Variants in ABHD6 observed in about 807,000 individuals in gnomAD.
ABHD6 encodes abhydrolase domain containing 6, acylglycerol lipase.
ABHD6 carries 33 observed loss-of-function variants against 38.8 expected under a neutral mutation model. The observed-to-expected ratio is 0.85, with a 90% CI of 0.64 to 1.14. The LOEUF is 1.14. Among genes scored for constraint, ABHD6 ranks in the 50% most tolerant of loss-of-function variants. The probability of loss-of-function intolerance (pLI) is 0.00; values close to 1 mark genes in which losing one functional copy is unlikely to be tolerated. For synonymous variants in ABHD6, 147 were observed against 161.6 expected (o/e 0.91, Z 0.69); for missense variants, 380 against 422.6 (o/e 0.90, Z 0.88).
Position 58,291,353 on chromosome 3 carries a change from CAGAGGGAGACCCTGGAAAGAGAGGG to C in ABHD6, c.838-2224_838-2200del, listed in dbSNP as rs780997111. ...GTACAGTCCAGCTTCGGCTCGGCATCAGAGGGAGACCCTGGAAAGAGAGGGAGAGGGAGACCGTGGGGAGAGGGAG... is the reference window on the plus strand; with the variant it reads ...GTACAGTCCAGCTTCGGCTCGGCATCAGAGGGAGACCGTGGGGAGAGGGAG... On this transcript the variant is annotated intron_variant, in intron 9 of 9. Transcript: ENST00000478253. Among the ~76,000 whole-genome samples, 7 of 151,940 alleles carry C rather than the reference CAGAGGGAGACCCTGGAAAGAGAGGG, an allele frequency of 4.6e-5. No homozygotes were observed. The East Asian group carries it at 1.2e-3, about 25-fold the overall frequency.
rs1409372758 is a variant in ABHD6 at position 58,259,225 on chromosome 3, C to T, written c.119+2520C>T. On this transcript the variant is annotated intron_variant, in intron 3 of 9. Transcript: ENST00000478253. The surrounding 1 kb of genome is among the most constrained non-coding windows in gnomAD (Gnocchi z 4.7). ...AAACTAGCCTCAATGCTGCATAGTC[C>T]CCCAACAGTTCCCTGGGCTGTCGAG... Among the ~76,000 whole-genome samples, 2 of 152,148 alleles carry T rather than the reference C, an allele frequency of 1.3e-5. No homozygotes were observed. The highest frequency in any genetic ancestry group is 3.8e-4 in the East Asian group (2 of 5,200).
In ABHD6 at chr3:58,246,157, T is replaced by G. The variant is rs375148923; in HGVS notation, c.-90-3721T>G. ...CCACTAGAGCCTGAAGACTTTGGGC[T>G]CCTTAAACGTAAAGGGTCAAGTGGC... On this transcript the variant is annotated intron_variant, in intron 1 of 9. Coordinates refer to ENST00000478253, the MANE Select transcript of ABHD6 (RefSeq NM_001320126.2). 1.7e-3 allele frequency among the ~76,000 whole-genome samples: 265 copies of G among 152,318 alleles called. No homozygotes were observed. The Middle Eastern group carries it at 0.031, about 18-fold the overall frequency.
chr3:58,240,267 G>A (rs1027180696), intron 1 of ABHD6, among the ~76,000 whole-genome samples: 1 of 151,856 alleles, frequency 6.6e-6, no homozygotes, highest in Non-Finnish European at 1.5e-5. Flanking sequence ...TAGAGATGAA[G>A]TCTCACTGTG....
In ABHD6 at chr3:58,266,767, T is replaced by A. The variant is rs74929952; in HGVS notation, c.120-422T>A. 6.6e-6 allele frequency among the ~76,000 whole-genome samples: 1 copy of A among 152,178 alleles called. No homozygotes were observed. Among genetic ancestry groups the A allele is most frequent in the Non-Finnish European group, 1.5e-5 (1 of 68,032 alleles). On this transcript the variant is annotated intron_variant, in intron 3 of 9. Coordinates refer to ENST00000478253, the MANE Select transcript of ABHD6 (RefSeq NM_001320126.2). This position sits in a 1 kb window ranked among gnomAD's most constrained non-coding sequence, Gnocchi z 4.0. ...CAAAGTCCAGCACTGCCAAGTCTTATGTAACCAGCAGAAGCTGAGCTTTCA... is the reference window on the plus strand; with the variant it reads ...CAAAGTCCAGCACTGCCAAGTCTTAAGTAACCAGCAGAAGCTGAGCTTTCA...
chr3:58,288,324 A>G (rs2097458968), intron 9 of ABHD6, among the ~76,000 whole-genome samples: 1 of 152,174 alleles, frequency 6.6e-6, no homozygotes, highest in Non-Finnish European at 1.5e-5. Flanking sequence ...AGGGGGAGCC[A>G]TGTGCATTGT....
intron 1 of ABHD6, among the ~76,000 whole-genome samples, chr3:58,241,919 A>G (rs772506768): frequency 3.4e-4 from 52 of 152,360 alleles, no homozygotes; most frequent in Non-Finnish European, 2.1e-4. Context: ...CACTTGCTAC[A>G]GTCACATGGC....
In ABHD6 at chr3:58,263,358, C is replaced by A. The variant is rs1216665270; in HGVS notation, c.120-3831C>A. ...TGAACTGAGATTGCGCCACTGCACT[C>A]CAGCCTAGGCAACGAGAGTGAAACT... is the stretch of plus-strand genomic sequence containing the variant. On this transcript the variant is annotated intron_variant, in intron 3 of 9. Coordinates refer to ENST00000478253, the MANE Select transcript of ABHD6 (RefSeq NM_001320126.2). The surrounding 1 kb of genome is among the most constrained non-coding windows in gnomAD (Gnocchi z 4.9). Among the ~76,000 whole-genome samples the A allele has an allele frequency of 6.6e-6, 1 of 151,488 alleles. No homozygotes were observed. The highest frequency in any genetic ancestry group is 1.5e-5 in the Non-Finnish European group (1 of 67,882).
chr3:58,261,341 G>C (rs2097436790), intron 3 of ABHD6, among the ~76,000 whole-genome samples: 1 of 152,180 alleles, frequency 6.6e-6, no homozygotes, highest in Non-Finnish European at 1.5e-5. Flanking sequence ...ATTAATAAGT[G>C]AATTTGGAGC....
chr3:58,281,692 C>T (rs1190656321), intron 7 of ABHD6, among the ~76,000 whole-genome samples: 2 of 152,202 alleles, frequency 1.3e-5, no homozygotes, highest in Non-Finnish European at 1.5e-5. Context: ...CGCTGGATGC[C>T]GCAGACCGGA....
rs568145234 is a variant in ABHD6 at position 58,273,644 on chromosome 3, T to G, written c.524-1014T>G. The stretch of plus-strand genomic sequence containing the variant: ...CAGGAACAGAAAACCAAACACCGCA[T>G]GTTCTCACTCATAAGTGCGAGTTGA... On this transcript the variant is annotated intron_variant, in intron 6 of 9. Coordinates refer to ENST00000478253, the MANE Select transcript of ABHD6 (RefSeq NM_001320126.2). This position sits in a 1 kb window ranked among gnomAD's most constrained non-coding sequence, Gnocchi z 4.8. Among the ~76,000 whole-genome samples, 5 of 152,276 alleles carry G rather than the reference T, an allele frequency of 3.3e-5. No individual in the cohort carries two copies. The highest frequency in any genetic ancestry group is 5.9e-5 in the Non-Finnish European group (4 of 68,026).
chr3:58,243,487 A>T lies in ABHD6; in HGVS notation c.-91+5571A>T, dbSNP rs548227799. Among the ~76,000 whole-genome samples, 5 of 152,200 alleles carry T rather than the reference A, an allele frequency of 3.3e-5. No homozygotes were observed. In the South Asian group the frequency reaches 6.2e-4, roughly 19 times the overall value. On this transcript the variant is annotated intron_variant, in intron 1 of 9. Transcript: ENST00000478253. ...AGGAGATAACTTCTAGCTCCACCAGAAAGATTTTTTAAAGGAGAACTGGGG... is the reference window on the plus strand; with the variant it reads ...AGGAGATAACTTCTAGCTCCACCAGTAAGATTTTTTAAAGGAGAACTGGGG...
intron 7 of ABHD6, among the ~76,000 whole-genome samples, chr3:58,277,674 C>G (rs1359018427): frequency 1.3e-5 from 2 of 152,180 alleles, no homozygotes; most frequent in Non-Finnish European, 2.9e-5. Flanking sequence ...GAGAGGGCAT[C>G]CTTGTCTTGT....
At chr3:58,291,142 C>G (rs1202442415) in intron 9 of ABHD6, among the ~76,000 whole-genome samples, 2 of 151,344 alleles carry the variant, frequency 1.3e-5, no homozygotes, top group African/African-American at 4.9e-5. Context: ...CTCCGGAGGC[C>G]GAGGCTGGCG....
At chr3:58,282,499 A>G (rs1243161595) in intron 7 of ABHD6, among the ~76,000 whole-genome samples, 3 of 152,224 alleles carry the variant, frequency 2.0e-5, no homozygotes, top group African/African-American at 7.2e-5. Flanking sequence ...TGGGAGGCCA[A>G]GGCGGGTGGA....
At position 58,293,316 on chromosome 3, in the gene ABHD6, C is replaced by T. The variant is rs2097464650; in HGVS notation, c.838-273C>T. ...CTCTGACTTCCCCACCATACCATAA[C>T]CTCCTCAAGGGCAAGGAACGTTTGT... On this transcript the variant is annotated intron_variant, in intron 9 of 9. Transcript: ENST00000478253. The surrounding 1 kb of genome is among the most constrained non-coding windows in gnomAD (Gnocchi z 4.4). Among the ~76,000 whole-genome samples, 2 of 152,218 alleles carry T rather than the reference C, an allele frequency of 1.3e-5. No homozygotes were observed. Among genetic ancestry groups the T allele is most frequent in the South Asian group, 4.1e-4 (2 of 4,836 alleles).
At position 58,293,202 on chromosome 3, in the gene ABHD6, C is replaced by G. The variant is rs539097796; in HGVS notation, c.838-387C>G. On this transcript the variant is annotated intron_variant, in intron 9 of 9. Coordinates refer to ENST00000478253, the MANE Select transcript of ABHD6 (RefSeq NM_001320126.2). The surrounding 1 kb of genome is among the most constrained non-coding windows in gnomAD (Gnocchi z 4.4). ...GATCTCCCACCCTGTGCCATTCCCACATCCGTGAATGCTCCTCCCCTGTCC... is the reference window on the plus strand; with the variant it reads ...GATCTCCCACCCTGTGCCATTCCCAGATCCGTGAATGCTCCTCCCCTGTCC... 6.6e-6 allele frequency among the ~76,000 whole-genome samples: 1 copy of G among 152,284 alleles called. No individual in the cohort carries two copies. The highest frequency in any genetic ancestry group is 2.1e-4 in the South Asian group (1 of 4,830).
chr3:58,243,734 C>T (rs2097424405), intron 1 of ABHD6, among the ~76,000 whole-genome samples: 1 of 151,886 alleles, frequency 6.6e-6, no homozygotes, highest in South Asian at 2.1e-4. Flanking sequence ...GAACTTGGCT[C>T]ACTGCAGCCT....
At chr3:58,284,688 T>G (rs999582377) in intron 7 of ABHD6, among the ~76,000 whole-genome samples, 4 of 152,060 alleles carry the variant, frequency 2.6e-5, no homozygotes, top group Admixed American at 1.3e-4. Flanking sequence ...TGGCCTCAAG[T>G]GATCTGCCCG....
At position 58,280,846 on chromosome 3, in the gene ABHD6, G is replaced by A. The variant is rs139238478; in HGVS notation, c.682-4239G>A. 2.2e-4 allele frequency among the ~76,000 whole-genome samples: 34 copies of A among 152,234 alleles called. 1 individual carries two copies. Among genetic ancestry groups the A allele is most frequent in the African/African-American group, 8.2e-4 (34 of 41,534 alleles). ...TTGTTAGTTTTCCTTATAACAATCA[G>A]GTCCCTCAGCTGCAGGTCTGTTGGA... On this transcript the variant is annotated intron_variant, in intron 7 of 9. Transcript: ENST00000478253.
Sources: gnomAD v4.1 joint callset for allele counts (sites outside exome capture counted in the v4.1 genomes callset) on GRCh38, gnomAD v4.1.1 for gene constraint, Gnocchi (gnomAD v3.1) non-coding constraint, MANE v1.5 for transcripts, NCBI Gene and HGNC (gene_info 2026-07-23, HGNC 2026-07-21) for gene names.